ADGRL3: variants seen among roughly 807,000 people sequenced by gnomAD.
ADGRL3 encodes calcium-independent alpha-latrotoxin receptor 3.
Under a neutral mutation model 153.5 loss-of-function variants are expected in ADGRL3, and 62 were observed. That is an observed-to-expected ratio of 0.40 (90% CI 0.33 to 0.50). The LOEUF is 0.50. ADGRL3 is among the 20% of genes least tolerant of loss of function. The probability of loss-of-function intolerance (pLI) is 0.47; values close to 1 mark genes in which losing one functional copy is unlikely to be tolerated. For missense variants in ADGRL3, 1,641 were observed against 1,859.4 expected (o/e 0.88, Z 2.16); for synonymous variants, 710 against 672.5 (o/e 1.06, Z -0.86).
chr4:61,483,400 A>ACTCAATTATGCATT (rs1391703428), intron 2 of ADGRL3, among the ~76,000 whole-genome samples: 1 of 152,180 alleles, frequency 6.6e-6, no homozygotes, highest in Non-Finnish European at 1.5e-5. Flanking sequence ...TAATGATAGC[A>ACTCAATTATGCATT]CTCAATTATG....
chr4:61,437,917 T>G lies in ADGRL3; in HGVS notation c.-174+54728T>G, dbSNP rs2097472427. Among the ~76,000 whole-genome samples the G allele has an allele frequency of 3.9e-5, 6 of 152,178 alleles. No individual in the cohort carries two copies. In the South Asian group the frequency reaches 1.2e-3, roughly 32 times the overall value. On this transcript the variant is annotated intron_variant, in intron 2 of 26. Coordinates refer to ENST00000683033, the MANE Select transcript of ADGRL3 (RefSeq NM_001387552.1). ...AGTCCCACTCTCTTCCACTGGACAT[T>G]AATGACACTTTTCTCCAAATTCTTA...
chr4:61,415,237 A>G (rs1361486274), intron 2 of ADGRL3, among the ~76,000 whole-genome samples: 8 of 151,966 alleles, frequency 5.3e-5, no homozygotes, highest in Non-Finnish European at 8.8e-5. Flanking sequence ...CACTAGATTT[A>G]TTTATTAAAA....
In ADGRL3 at chr4:61,432,634, C is replaced by A. The variant is rs866306323; in HGVS notation, c.-174+49445C>A. Among the ~76,000 whole-genome samples the A allele has an allele frequency of 2.3e-3, 74 of 32,616 alleles. 7 individuals carry two copies. The highest frequency in any genetic ancestry group is 6.7e-3 in the African/African-American group (69 of 10,290). 21.4% of individuals were successfully genotyped at this position (32,616 alleles called of 152,430 possible). A position where few individuals can be genotyped will look rare whatever the true frequency, so the allele number is the denominator to read the frequency against. On this transcript the variant is annotated intron_variant, in intron 2 of 26. Coordinates refer to ENST00000683033, the MANE Select transcript of ADGRL3 (RefSeq NM_001387552.1). ...TCTTTCTTTCTTTCTTTCTTTCTTT[C>A]TTTCTTTCTTTCTTTCTTTCTTTTT...
intron 1 of ADGRL3, among the ~76,000 whole-genome samples, chr4:61,376,944 T>C (rs563458896): frequency 1.3e-5 from 2 of 152,274 alleles, no homozygotes; most frequent in South Asian, 2.1e-4. Context: ...AATAGTTCTC[T>C]GCACTAAAGG....
chr4:61,362,789 C>T (rs2096309663), intron 1 of ADGRL3, among the ~76,000 whole-genome samples: 1 of 151,878 alleles, frequency 6.6e-6, no homozygotes, highest in African/African-American at 2.4e-5. Context: ...CAGTTCAAAC[C>T]CATGTTGTTT....
chr4:61,892,914 G>T lies in ADGRL3; in HGVS notation c.1739G>T (p.Arg580Leu), dbSNP rs778927229. The T allele has an allele frequency of 3.2e-6, 5 of 1,557,050 alleles. No homozygotes were observed. Among genetic ancestry groups the T allele is most frequent in the Non-Finnish European group, 4.3e-6 (5 of 1,156,682 alleles). ...CGAGAAATCATGTGGTTTAAGACTC[G>T]TCAAGGACAGATAGCAAAGCAGCCA... is the stretch of plus-strand genomic sequence containing the variant. The part of the protein sequence containing the change: ...EAREIMWFKT[R>L]QGQIAKQPCP... Residue 580 changes from arginine (R) to leucine (L), a missense_variant, in exon 10 of 27, where the codon CGT (arginine) becomes CTT (leucine). Transcript: ENST00000683033.
In ADGRL3 at chr4:62,071,010, A is replaced by AGAGGACAGCATAAAGAT; in HGVS notation, c.*102_*103insGAGGACAGCATAAAGAT. On this transcript the variant is annotated 3_prime_UTR_variant, in exon 27 of 27. Coordinates refer to ENST00000683033, the MANE Select transcript of ADGRL3 (RefSeq NM_001387552.1). ...ATAATGTGTGTACTCCTAAATCTTT[A>AGAGGACAGCATAAAGAT]TGCTGTCCTCTAAAGACAAACACAA... 1 of 1,000,450 alleles carries AGAGGACAGCATAAAGAT rather than the reference A, an allele frequency of 1.0e-6. No individual in the cohort carries two copies. The highest frequency in any genetic ancestry group is 1.4e-6 in the Non-Finnish European group (1 of 694,156). 62.0% of individuals were successfully genotyped at this position (1,000,450 alleles called of 1,614,324 possible).
intron 25 of ADGRL3, among the ~76,000 whole-genome samples, chr4:62,058,364 C>G (rs760316703): frequency 6.6e-6 from 1 of 152,074 alleles, no homozygotes; most frequent in Non-Finnish European, 1.5e-5. Flanking sequence ...AATTGACACT[C>G]TTAAAAAATT....
intron 5 of ADGRL3, among the ~76,000 whole-genome samples, chr4:61,622,671 T>C (rs1454343128): frequency 6.6e-6 from 1 of 152,176 alleles, no homozygotes; most frequent in Non-Finnish European, 1.5e-5. Context: ...TTTATGTGGA[T>C]TATCTCATTT....
intron 3 of ADGRL3, among the ~76,000 whole-genome samples, chr4:61,498,441 T>C (rs1336596872): frequency 6.6e-6 from 1 of 151,786 alleles, no homozygotes; most frequent in African/African-American, 2.4e-5. Flanking sequence ...TCCCAGCTAC[T>C]CGGGAGGCTG....
At chr4:61,222,692 A>G (rs1577899677) in intron 1 of ADGRL3, among the ~76,000 whole-genome samples, 1 of 152,192 alleles carries the variant, frequency 6.6e-6, no homozygotes, top group Non-Finnish European at 1.5e-5. Context: ...ATGAGGTTCC[A>G]TATTCTAGTC....
chr4:61,686,191 C>A (rs1366113663), intron 6 of ADGRL3, among the ~76,000 whole-genome samples: 1 of 151,888 alleles, frequency 6.6e-6, no homozygotes, highest in Admixed American at 6.6e-5. Context: ...TGAAATTGAA[C>A]CATATAAACA....
intron 8 of ADGRL3, among the ~76,000 whole-genome samples, chr4:61,756,785 A>G (rs2096837484): frequency 1.3e-5 from 2 of 152,114 alleles, no homozygotes; most frequent in African/African-American, 4.8e-5. Context: ...CTATTTTGAG[A>G]TATGTCCCAT....
intron 1 of ADGRL3, among the ~76,000 whole-genome samples, chr4:61,256,461 T>C (rs1467838260): frequency 6.6e-6 from 1 of 152,144 alleles, no homozygotes; most frequent in East Asian, 1.9e-4. Context: ...TCTGAACTGG[T>C]AACAATAATA....
chr4:61,594,114 T>C (rs1054729857), intron 5 of ADGRL3, among the ~76,000 whole-genome samples: 13 of 152,210 alleles, frequency 8.5e-5, no homozygotes, highest in Non-Finnish European at 1.2e-4. Flanking sequence ...AGCATATCAA[T>C]TGCATTTTCA....
chr4:61,789,113 T>C (rs1407243608), intron 8 of ADGRL3, among the ~76,000 whole-genome samples: 2 of 152,154 alleles, frequency 1.3e-5, no homozygotes. Flanking sequence ...ATATGTTGTT[T>C]ATCTAGATTT....
At chr4:61,494,794 A>G (rs774319605) in intron 2 of ADGRL3, among the ~76,000 whole-genome samples, 13 of 152,100 alleles carry the variant, frequency 8.5e-5, no homozygotes, top group Non-Finnish European at 1.9e-4. Flanking sequence ...AACTCTTTAT[A>G]TATATTGTGT....
chr4:61,479,575 G>C (rs1003527639), intron 2 of ADGRL3, among the ~76,000 whole-genome samples: 13 of 152,016 alleles, frequency 8.6e-5, no homozygotes, highest in Non-Finnish European at 1.3e-4. Flanking sequence ...TAGGAAATTG[G>C]GGAAGATTAA....
intron 9 of ADGRL3, among the ~76,000 whole-genome samples, chr4:61,887,745 T>C (rs546118801): frequency 6.6e-6 from 1 of 152,262 alleles, no homozygotes; most frequent in African/African-American, 2.4e-5. Flanking sequence ...CTCAGGAGGC[T>C]GAGGCAGGAG....
Sources: gnomAD v4.1 joint callset for allele counts (sites outside exome capture counted in the v4.1 genomes callset) on GRCh38, gnomAD v4.1.1 for gene constraint, MANE v1.5 for transcripts, NCBI Gene and HGNC (gene_info 2026-07-23, HGNC 2026-07-21) for gene names.